The following RNF144B variants were observed in gnomAD, a reference collection of about 807,000 sequenced individuals.
The protein encoded by RNF144B is ring finger protein 144B, also known as E3 ubiquitin-protein ligase RNF144B.
A neutral mutation model predicts 40.2 loss-of-function variants in RNF144B; 25 were observed. The ratio of observed to expected loss-of-function variants is 0.62; its 90% CI spans 0.45 to 0.87. RNF144B has a LOEUF of 0.87. RNF144B is among the 40% of genes least tolerant of loss of function. The pLI, the probability that RNF144B is intolerant of heterozygous loss-of-function variation, is 0.00. For missense variants in RNF144B, 365 were observed against 373.7 expected (o/e 0.98, Z 0.19); for synonymous variants, 145 against 136.3 (o/e 1.06, Z -0.44).
intron 2 of RNF144B, among the ~76,000 whole-genome samples, chr6:18,407,150 A>C (rs1028142645): frequency 2.0e-5 from 3 of 152,182 alleles, no homozygotes; most frequent in African/African-American, 7.2e-5. Flanking sequence ...TCTTATCCAG[A>C]AACACACACA....
intron 4 of RNF144B, among the ~76,000 whole-genome samples, chr6:18,445,891 G>A (rs1233276878): frequency 6.6e-6 from 1 of 152,184 alleles, no homozygotes; most frequent in African/African-American, 2.4e-5. Flanking sequence ...TATTATAACT[G>A]TGTTTCCTAG....
chr6:18,405,150 T>TTTATTATTA lies in RNF144B; in HGVS notation c.165+5469_165+5477dup, dbSNP rs71536790. 0.024 allele frequency among the ~76,000 whole-genome samples: 3,493 copies of TTTATTATTA among 146,212 alleles called. 62 individuals carry two copies. The highest frequency in any genetic ancestry group is 0.031 in the African/African-American group (1,217 of 39,844). Reference sequence around the variant, plus strand: ...CTTGCTTGCAAGGTTAGTTTTTTTCTTTATTATTATTATTATTATTATTAT... The same window carrying TTTATTATTA: ...CTTGCTTGCAAGGTTAGTTTTTTTCTTTATTATTATTATTATTATTATTATTATTATTAT... On this transcript the variant is annotated intron_variant, in intron 2 of 7. Transcript: ENST00000259939. This position sits in a 1 kb window ranked among gnomAD's most constrained non-coding sequence, Gnocchi z 4.5.
chr6:18,438,217 TG>T (rs1248764082), intron 3 of RNF144B, among the ~76,000 whole-genome samples: 1 of 152,208 alleles, frequency 6.6e-6, no homozygotes, highest in Non-Finnish European at 1.5e-5. Context: ...TCTCCAACTC[TG>T]AATTTTATTT....
chr6:18,423,375 G>A (rs1044668621), intron 2 of RNF144B, among the ~76,000 whole-genome samples: 1 of 152,032 alleles, frequency 6.6e-6, no homozygotes, highest in African/African-American at 2.4e-5. Flanking sequence ...AAAAACTTTA[G>A]GTAGGGCATA....
At chr6:18,390,131 A>C (rs141491582) in intron 1 of RNF144B, among the ~76,000 whole-genome samples, 25 of 152,336 alleles carry the variant, frequency 1.6e-4, no homozygotes, top group African/African-American at 5.5e-4. Flanking sequence ...TTCTGAATTC[A>C]CATTGCTTTG....
At chr6:18,435,483 A>C (rs1326975344) in intron 3 of RNF144B, among the ~76,000 whole-genome samples, 2 of 152,208 alleles carry the variant, frequency 1.3e-5, no homozygotes, top group African/African-American at 2.4e-5. Flanking sequence ...TGATAGAAAT[A>C]GAAAAATCAC....
rs73375960 is a variant in RNF144B, at chr6:18,405,576, C to A, written c.165+5877C>A. Among the ~76,000 whole-genome samples, 3,039 of 152,242 alleles carry A rather than the reference C, an allele frequency of 0.02. 103 individuals are homozygous for A. Among genetic ancestry groups the A allele is most frequent in the African/African-American group, 0.07 (2,909 of 41,526 alleles). The stretch of plus-strand genomic sequence containing the variant: ...TGAAATAACTTCAATATACTCACTG[C>A]TTATATCCATTAAGAGATTTAATGA... On this transcript the variant is annotated intron_variant, in intron 2 of 7. Coordinates refer to ENST00000259939, the MANE Select transcript of RNF144B (RefSeq NM_182757.4). The surrounding 1 kb of genome is among the most constrained non-coding windows in gnomAD (Gnocchi z 4.5).
In RNF144B at chr6:18,387,509, C is replaced by T. The variant is rs777435361; in HGVS notation, c.-158C>T. The T allele has an allele frequency of 4.6e-6, 6 of 1,310,762 alleles. No homozygotes were observed. The highest frequency in any genetic ancestry group is 1.2e-5 in the South Asian group (1 of 82,294). 81.2% of individuals were successfully genotyped at this position (1,310,762 alleles called of 1,614,324 possible). On this transcript the variant is annotated 5_prime_UTR_variant, in exon 1 of 8. It adds an upstream start codon to the 5' untranslated region. Transcript: ENST00000259939. ...GTGTAAAGCTGTCAGCCGCAGAGCA[C>T]GGAGGAAAGACGGAGAGAATGGAAG...
At position 18,456,979 on chromosome 6, in the gene RNF144B, T is replaced by A. The variant is rs568787141; in HGVS notation, c.332-176T>A. Among the ~76,000 whole-genome samples the A allele has an allele frequency of 2.0e-5, 3 of 152,280 alleles. No individual in the cohort carries two copies. Among genetic ancestry groups the A allele is most frequent in the South Asian group, 2.1e-4 (1 of 4,824 alleles). On this transcript the variant is annotated intron_variant, in intron 4 of 7. Transcript: ENST00000259939. This position sits in a 1 kb window ranked among gnomAD's most constrained non-coding sequence, Gnocchi z 4.7. ...CGGGAGGCTGAGGCAGAAGAATCGG[T>A]TGAACCCAGGAGGGGAGGTTGCAGT...
At chr6:18,430,916 T>G (rs1758679759) in intron 3 of RNF144B, among the ~76,000 whole-genome samples, 1 of 152,070 alleles carries the variant, frequency 6.6e-6, no homozygotes, top group Non-Finnish European at 1.5e-5. Flanking sequence ...TTTTGTGCAT[T>G]AAAACCAGAC....
At chr6:18,407,673 T>C (rs918535772) in intron 2 of RNF144B, among the ~76,000 whole-genome samples, 1 of 152,326 alleles carries the variant, frequency 6.6e-6, no homozygotes, top group East Asian at 1.9e-4. Flanking sequence ...CTCTCTAAAA[T>C]AAAATTGGTT....
intron 2 of RNF144B, among the ~76,000 whole-genome samples, chr6:18,409,550 A>C (rs367929027): frequency 2.9e-5 from 4 of 136,690 alleles, no homozygotes; most frequent in East Asian, 2.2e-4. Flanking sequence ...GACAAACTTC[A>C]CTTGCATAAC....
chr6:18,452,755 A>C (rs1010609124), intron 4 of RNF144B, among the ~76,000 whole-genome samples: 4 of 152,056 alleles, frequency 2.6e-5, no homozygotes, highest in Non-Finnish European at 5.9e-5. Context: ...TCTTCTGCAA[A>C]TGTTAAAGTA....
intron 4 of RNF144B, 93 bp downstream of exon 4, chr6:18,439,837 C>CTT: frequency 1.2e-6 from 1 of 822,508 alleles, no homozygotes; most frequent in Non-Finnish European, 2.1e-6. Flanking sequence ...CAGCTATGGG[C>CTT]TGTCAACAAA....
Position 18,387,476 on chromosome 6 carries a change from C to T in RNF144B, c.-191C>T, listed in dbSNP as rs1794475708. 2 of 1,282,274 alleles carry T rather than the reference C, an allele frequency of 1.6e-6. No homozygotes were observed. Among genetic ancestry groups the T allele is most frequent in the Middle Eastern group, 2.4e-4 (1 of 4,186 alleles). The allele number at this position is 1,282,274 out of a possible 1,614,324, so 79.4% of individuals were successfully genotyped here. A position where few individuals can be genotyped will look rare whatever the true frequency, so the allele number is the denominator to read the frequency against. On this transcript the variant is annotated 5_prime_UTR_variant, in exon 1 of 8. Transcript: ENST00000259939. ...CTGGGAGCGCAAGTCCTGTTGCAGT[C>T]TTGCAAAGTGTAAAGCTGTCAGCCG...
In RNF144B at chr6:18,416,044, A is replaced by C. The variant is rs1023201510; in HGVS notation, c.166-11537A>C. Among the ~76,000 whole-genome samples, 8 of 152,226 alleles carry C rather than the reference A, an allele frequency of 5.3e-5. No homozygotes were observed. The highest frequency in any genetic ancestry group is 1.9e-4 in the East Asian group (1 of 5,178). ...TGTGCTAAGGCTTTGGTGTCAGCTG[A>C]GGGCTTACAGTTCTGAAGGCTAATG... On this transcript the variant is annotated intron_variant, in intron 2 of 7. Coordinates refer to ENST00000259939, the MANE Select transcript of RNF144B (RefSeq NM_182757.4). The surrounding 1 kb of genome is among the most constrained non-coding windows in gnomAD (Gnocchi z 5.5).
rs61128858 is a variant in RNF144B, at chr6:18,448,688, G to GCACACACACACACACACA, written c.332-8455_332-8438dup. On this transcript the variant is annotated intron_variant, in intron 4 of 7. Transcript: ENST00000259939. This position sits in a 1 kb window ranked among gnomAD's most constrained non-coding sequence, Gnocchi z 4.0. The stretch of plus-strand genomic sequence containing the variant: ...TCCATTTTATTTTGAAAGCCAGCAT[G>GCACACACACACACACACA]CACACACACACACACACACACACAC... Among the ~76,000 whole-genome samples the GCACACACACACACACACA allele has an allele frequency of 2.1e-5, 3 of 144,522 alleles. No individual in the cohort carries two copies. Among genetic ancestry groups the GCACACACACACACACACA allele is most frequent in the Non-Finnish European group, 3.1e-5 (2 of 65,564 alleles). The allele number at this position is 144,522 out of a possible 152,430, so 94.8% of individuals were successfully genotyped here. A position where few individuals can be genotyped will look rare whatever the true frequency, so the allele number is the denominator to read the frequency against.
chr6:18,411,007 A>G (rs1795020645), intron 2 of RNF144B, among the ~76,000 whole-genome samples: 1 of 139,592 alleles, frequency 7.2e-6, no homozygotes, highest in Non-Finnish European at 1.5e-5. Context: ...TTTTTTTGAG[A>G]CGGAGTCTCA....
intron 4 of RNF144B, among the ~76,000 whole-genome samples, chr6:18,452,092 C>T (rs1759220586): frequency 1.3e-5 from 2 of 152,122 alleles, no homozygotes; most frequent in Admixed American, 1.3e-4. Flanking sequence ...TTGGAAAATT[C>T]CAATACAAGG....
Sources: gnomAD v4.1 joint callset for allele counts (sites outside exome capture counted in the v4.1 genomes callset) on GRCh38, gnomAD v4.1.1 for gene constraint, Gnocchi (gnomAD v3.1) non-coding constraint, MANE v1.5 for transcripts, NCBI Gene and HGNC (gene_info 2026-07-23, HGNC 2026-07-21) for gene names.